LARP4B: variants seen among roughly 807,000 people sequenced by gnomAD.
The protein encoded by LARP4B is La ribonucleoprotein 4B.
LARP4B carries 12 observed loss-of-function variants against 89.8 expected under a neutral mutation model. The observed-to-expected ratio is 0.13, with a 90% confidence interval of 0.09 to 0.22. The LOEUF (loss-of-function observed/expected upper bound fraction) is 0.22. LARP4B is among the 10% of genes least tolerant of loss of function. LARP4B has a pLI of 1.00. For synonymous variants in LARP4B, 367 were observed against 363.3 expected (o/e 1.01, Z -0.12); for missense variants, 757 against 947.7 (o/e 0.80, Z 2.64).
chr10:825,710 C>T (rs1323266823), intron 12 of LARP4B, 54 bp downstream of exon 12: 2 of 1,201,340 alleles, frequency 1.7e-6, no homozygotes, highest in East Asian at 2.4e-5. Context: ...CATCCCAACT[C>T]CGGAAGGGCA....
chr10:823,808 C>T (rs1310898739), intron 13 of LARP4B, among the ~76,000 whole-genome samples: 2 of 152,142 alleles, frequency 1.3e-5, no homozygotes, highest in African/African-American at 4.8e-5. Flanking sequence ...CTCCATGACA[C>T]GGTGGGCCCC....
chr10:926,438 T>C (rs555200067), intron 1 of LARP4B, among the ~76,000 whole-genome samples: 2 of 152,022 alleles, frequency 1.3e-5, no homozygotes, highest in South Asian at 2.1e-4. Context: ...AACACCAAGG[T>C]AGGAGAGGGA....
intron 3 of LARP4B, among the ~76,000 whole-genome samples, chr10:867,830 C>T (rs1834987549): frequency 7.1e-6 from 1 of 140,694 alleles, no homozygotes; most frequent in Admixed American, 7.5e-5. Context: ...CACTGCCCTC[C>T]AGCCTGGGTG....
the LARP4B span, among the ~76,000 whole-genome samples, chr10:954,332 C>T: frequency 7.3e-3 from 1,111 of 152,242 alleles, 10 homozygotes; most frequent in Admixed American, 0.011. The surrounding 1 kb of genome is among the most constrained non-coding windows in gnomAD (Gnocchi z 5.0). Flanking sequence ...GGGAAGGGCT[C>T]CTGCTCCAGG....
chr10:827,007 G>A (rs1267458577), intron 11 of LARP4B, among the ~76,000 whole-genome samples: 1 of 152,228 alleles, frequency 6.6e-6, no homozygotes, highest in African/African-American at 2.4e-5. Context: ...GGGCGCAGTG[G>A]CTCATGCCTA....
the LARP4B span, among the ~76,000 whole-genome samples, chr10:965,091 C>T: frequency 2.6e-5 from 4 of 152,198 alleles, no homozygotes; most frequent in Non-Finnish European, 5.9e-5. Flanking sequence ...GGGGGACCTG[C>T]TAGGTCCTCG....
rs772462383 is a variant in LARP4B at position 814,730 on chromosome 10, C to T, written c.1929+12G>A. On this transcript the variant is annotated intron_variant, in intron 17 of 17. Transcript: ENST00000316157. The surrounding 1 kb of genome is among the most constrained non-coding windows in gnomAD (Gnocchi z 4.4). ...CGGCTGTCGTGCAGGAAGGCAGGCA[C>T]GAGGTACGTACCGTGGCGGCTCCGT... The T allele has an allele frequency of 5.1e-6, 8 of 1,580,212 alleles. No homozygotes were observed. Among genetic ancestry groups the T allele is most frequent in the South Asian group, 3.5e-5 (3 of 86,726 alleles).
At chr10:884,646 T>C in intron 2 of LARP4B, 140 bp from the exon 3 acceptor site, 1 of 601,354 alleles carries the variant, frequency 1.7e-6, no homozygotes, top group Non-Finnish European at 2.9e-6. Flanking sequence ...TCATAAGATA[T>C]TCAGAATGTA....
the LARP4B span, among the ~76,000 whole-genome samples, chr10:983,993 G>A: frequency 6.6e-6 from 1 of 152,182 alleles, no homozygotes; most frequent in African/African-American, 2.4e-5. Context: ...TGGTGGCAGG[G>A]CTGGAATTGA....
chr10:928,283 G>A (rs753947370), intron 1 of LARP4B, among the ~76,000 whole-genome samples: 3 of 151,480 alleles, frequency 2.0e-5, no homozygotes, highest in Non-Finnish European at 4.4e-5. Context: ...AAATGAAATC[G>A]ATTGATGGTA....
At chr10:976,692 C>A in the LARP4B span, among the ~76,000 whole-genome samples, 1 of 146,462 alleles carries the variant, frequency 6.8e-6, no homozygotes, top group African/African-American at 2.8e-5. Flanking sequence ...TGTGGCCCGG[C>A]CTAGTAGAAG....
intron 3 of LARP4B, among the ~76,000 whole-genome samples, chr10:875,333 A>C (rs1835414029): frequency 6.6e-6 from 1 of 152,216 alleles, no homozygotes. Flanking sequence ...GGCAGACTTT[A>C]AGTAGTTGGA....
intron 1 of LARP4B, among the ~76,000 whole-genome samples, chr10:913,858 G>A (rs1250304245): frequency 6.6e-6 from 1 of 152,108 alleles, no homozygotes; most frequent in African/African-American, 2.4e-5. Context: ...GCAGTGAGTT[G>A]AGATCAAGCC....
At chr10:884,111 C>T (rs1455945220) in intron 3 of LARP4B, among the ~76,000 whole-genome samples, 1 of 152,194 alleles carries the variant, frequency 6.6e-6, no homozygotes, top group Admixed American at 6.5e-5. Context: ...TTAAGGAACA[C>T]AAGCTACCAA....
At chr10:853,187 T>C (rs1834140484) in intron 5 of LARP4B, among the ~76,000 whole-genome samples, 1 of 152,224 alleles carries the variant, frequency 6.6e-6, no homozygotes, top group South Asian at 2.1e-4. Flanking sequence ...TCAAGAATTA[T>C]TAACAGTACA....
chr10:891,292 CG>C (rs1320762575), intron 1 of LARP4B, among the ~76,000 whole-genome samples: 2 of 152,034 alleles, frequency 1.3e-5, no homozygotes, highest in African/African-American at 4.8e-5. Flanking sequence ...CAAAAGGAGA[CG>C]TAAGACACAC....
intron 3 of LARP4B, among the ~76,000 whole-genome samples, chr10:878,008 G>A (rs1377929843): frequency 1.3e-5 from 2 of 152,228 alleles, no homozygotes; most frequent in Admixed American, 6.5e-5. Context: ...CCGAGACTGA[G>A]AAAGGTAAGA....
At chr10:832,205 G>C (rs1028830006) in intron 8 of LARP4B, among the ~76,000 whole-genome samples, 7 of 151,982 alleles carry the variant, frequency 4.6e-5, no homozygotes, top group African/African-American at 1.7e-4. Context: ...CACCGCGCCC[G>C]GCTAATTTTT....
chr10:876,276 T>G (rs190688398), intron 3 of LARP4B, among the ~76,000 whole-genome samples: 96 of 151,936 alleles, frequency 6.3e-4, no homozygotes, highest in African/African-American at 2.2e-3. Flanking sequence ...CCCAGCTACT[T>G]GAGAGGCTGA....
Sources: gnomAD v4.1 joint callset for allele counts (sites outside exome capture counted in the v4.1 genomes callset) on GRCh38, gnomAD v4.1.1 for gene constraint, Gnocchi (gnomAD v3.1) non-coding constraint, MANE v1.5 for transcripts, NCBI Gene and HGNC (gene_info 2026-07-23, HGNC 2026-07-21) for gene names.